ATRN: variants seen among roughly 807,000 people sequenced by gnomAD.
The protein encoded by ATRN is attractin.
Under a neutral mutation model 178.7 loss-of-function variants are expected in ATRN, and 54 were observed. That is an observed-to-expected ratio of 0.30 (90% CI 0.24 to 0.38). The LOEUF (loss-of-function observed/expected upper bound fraction) is 0.38, where lower values mean the gene tolerates loss of function less well. ATRN is among the 10% of genes least tolerant of loss of function. The pLI, the probability that ATRN is intolerant of heterozygous loss-of-function variation, is 1.00. For missense variants in ATRN, 1,443 were observed against 1,815.1 expected (o/e 0.79, Z 3.73); for synonymous variants, 636 against 663.0 (o/e 0.96, Z 0.63).
At chr20:3,477,841 T>C (rs954882292) in intron 1 of ATRN, among the ~76,000 whole-genome samples, 1 of 152,254 alleles carries the variant, frequency 6.6e-6, no homozygotes, top group Non-Finnish European at 1.5e-5. Context: ...CATATATGTC[T>C]TCTGTCCTTA....
At chr20:3,549,451 C>A in intron 6 of ATRN, 113 bp downstream of exon 6, 1 of 955,156 alleles carries the variant, frequency 1.0e-6, no homozygotes, top group East Asian at 3.1e-5. Context: ...AAGAAAATCC[C>A]TGTTAATATT....
intron 20 of ATRN, 44 bp downstream of exon 20, chr20:3,594,616 T>A: frequency 6.5e-7 from 1 of 1,528,998 alleles, no homozygotes; most frequent in Non-Finnish European, 8.9e-7. Context: ...ACCAAGAGGC[T>A]GTGCAGCTGC....
intron 3 of ATRN, 124 bp downstream of exon 3, chr20:3,540,459 T>C: frequency 1.6e-6 from 1 of 640,222 alleles, no homozygotes. Flanking sequence ...ATGGAAAGAA[T>C]ACTAGTTCTT....
intron 2 of ATRN, among the ~76,000 whole-genome samples, chr20:3,536,900 T>C (rs2085541087): frequency 6.6e-6 from 1 of 152,216 alleles, no homozygotes; most frequent in Non-Finnish European, 1.5e-5. Context: ...ACTTAACAAG[T>C]AGTAATTTCT....
At chr20:3,500,128 A>T (rs1405907252) in intron 1 of ATRN, among the ~76,000 whole-genome samples, 1 of 152,206 alleles carries the variant, frequency 6.6e-6, no homozygotes, top group Non-Finnish European at 1.5e-5. Flanking sequence ...TCAAAACCAC[A>T]ATGAGATACC....
At chr20:3,636,240 A>G (rs2087024249) in intron 26 of ATRN, among the ~76,000 whole-genome samples, 1 of 152,260 alleles carries the variant, frequency 6.6e-6, no homozygotes, top group African/African-American at 2.4e-5. Context: ...GGTAGCACCA[A>G]AATACAAAGG....
rs1209104418 is a variant in ATRN, at chr20:3,649,921, G to C, written c.*3074G>C. On this transcript the variant is annotated 3_prime_UTR_variant, in exon 29 of 29. Coordinates refer to ENST00000262919, the MANE Select transcript of ATRN (RefSeq NM_139321.3). ...TAAATAGTTCCCATTTCCCCATGGAGAATTTGACATACCCTGGACTCCTGT... is the reference window on the plus strand; with the variant it reads ...TAAATAGTTCCCATTTCCCCATGGACAATTTGACATACCCTGGACTCCTGT... The C allele has an allele frequency of 6.6e-6, 1 of 152,174 alleles. No homozygotes were observed. Among genetic ancestry groups the C allele is most frequent in the Non-Finnish European group, 1.5e-5 (1 of 68,050 alleles). 9.4% of individuals were successfully genotyped at this position (152,174 alleles called of 1,614,324 possible).
At chr20:3,491,105 T>C (rs1341741876) in intron 1 of ATRN, 2 of 624,666 alleles carry the variant, frequency 3.2e-6, no homozygotes, top group Non-Finnish European at 5.6e-6. Flanking sequence ...CTAAAGTATT[T>C]TATTGATTCT....
At chr20:3,627,301 A>C (rs907355150) in intron 25 of ATRN, among the ~76,000 whole-genome samples, 3 of 152,176 alleles carry the variant, frequency 2.0e-5, no homozygotes, top group Admixed American at 6.5e-5. Context: ...CTAGGGGTGC[A>C]CCCCAAACAT....
intron 13 of ATRN, among the ~76,000 whole-genome samples, chr20:3,576,606 T>C (rs1180894467): frequency 6.6e-6 from 1 of 152,112 alleles, no homozygotes; most frequent in East Asian, 1.9e-4. Flanking sequence ...CCTTGCCAGT[T>C]AAAAGCATGT....
intron 1 of ATRN, among the ~76,000 whole-genome samples, chr20:3,526,928 T>C (rs988122731): frequency 6.6e-6 from 1 of 151,996 alleles, no homozygotes; most frequent in African/African-American, 2.4e-5. Flanking sequence ...CAAAAATTAA[T>C]TGAAGATGGA....
chr20:3,473,471 G>A (rs940127189), intron 1 of ATRN, among the ~76,000 whole-genome samples: 2 of 152,198 alleles, frequency 1.3e-5, no homozygotes, highest in African/African-American at 2.4e-5. Context: ...AGAGAAAGGC[G>A]GGAAGCCAGG....
At chr20:3,525,844 TCAA>T (rs2085356956) in intron 1 of ATRN, among the ~76,000 whole-genome samples, 1 of 152,176 alleles carries the variant, frequency 6.6e-6, no homozygotes. Context: ...TCAATAAAAT[TCAA>T]CAGCTCTTCA....
chr20:3,507,383 T>C (rs1473791429), intron 1 of ATRN, among the ~76,000 whole-genome samples: 2 of 147,176 alleles, frequency 1.4e-5, no homozygotes, highest in African/African-American at 2.5e-5. Context: ...CACTCCAGCC[T>C]GCGACAGAGC....
intron 25 of ATRN, chr20:3,629,078 AG>A: frequency 1.0e-6 from 1 of 985,238 alleles, no homozygotes; most frequent in Non-Finnish European, 1.2e-6. Flanking sequence ...TTCACTCAGC[AG>A]GCACTCCCTT....
At chr20:3,502,553 C>T (rs900743098) in intron 1 of ATRN, among the ~76,000 whole-genome samples, 11 of 152,206 alleles carry the variant, frequency 7.2e-5, no homozygotes, top group East Asian at 3.9e-4. Flanking sequence ...GAAGTCCCCC[C>T]GAAAACATCT....
chr20:3,604,982 G>T (rs908954588), intron 24 of ATRN, among the ~76,000 whole-genome samples: 3 of 152,206 alleles, frequency 2.0e-5, no homozygotes, highest in Middle Eastern at 3.4e-3. Flanking sequence ...AATACCTTCT[G>T]CTTCTTACCT....
Position 3,646,914 on chromosome 20 carries a change from G to T in ATRN, c.*67G>T. 6.3e-7 allele frequency: 1 copy of T among 1,581,924 alleles called. No homozygotes were observed. Among genetic ancestry groups the T allele is most frequent in the Non-Finnish European group, 8.6e-7 (1 of 1,163,058 alleles). ...GCACACCAGAGCCATCTGCAGGGAAGGGCGTGGCGGGGAAATGGCTGTGCG... is the reference window on the plus strand; with the variant it reads ...GCACACCAGAGCCATCTGCAGGGAATGGCGTGGCGGGGAAATGGCTGTGCG... On this transcript the variant is annotated 3_prime_UTR_variant, in exon 29 of 29. Transcript: ENST00000262919.
chr20:3,574,375 G>A (rs1284038868), intron 12 of ATRN, among the ~76,000 whole-genome samples: 2 of 152,160 alleles, frequency 1.3e-5, no homozygotes, highest in African/African-American at 4.8e-5. Context: ...AGCCAGGCAT[G>A]GGCATGGTGG....
Sources: gnomAD v4.1 joint callset for allele counts (sites outside exome capture counted in the v4.1 genomes callset) on GRCh38, gnomAD v4.1.1 for gene constraint, MANE v1.5 for transcripts, NCBI Gene and HGNC (gene_info 2026-07-23, HGNC 2026-07-21) for gene names.